The following FAIM2 variants were observed in gnomAD, a reference collection of about 807,000 sequenced individuals.
The protein encoded by FAIM2 is Fas apoptotic inhibitory molecule 2.
FAIM2 carries 27 observed loss-of-function variants against 47.4 expected under a neutral mutation model. The observed-to-expected ratio is 0.57, with a 90% CI of 0.42 to 0.78. The LOEUF (loss-of-function observed/expected upper bound fraction) is 0.78. Ranked by LOEUF, FAIM2 falls within the 30% of genes least tolerant of loss-of-function variation. The probability of loss-of-function intolerance (pLI) is 0.00; values close to 1 mark genes in which losing one functional copy is unlikely to be tolerated. For synonymous variants in FAIM2, 156 were observed against 159.3 expected (o/e 0.98, Z 0.16); for missense variants, 311 against 389.4 (o/e 0.80, Z 1.69).
At chr12:49,878,362 A>T (rs1946758576) in intron 11 of FAIM2, among the ~76,000 whole-genome samples, 1 of 119,848 alleles carries the variant, frequency 8.3e-6, no homozygotes, top group Non-Finnish European at 1.7e-5. Context: ...GCATGTGTGT[A>T]TATGTGGGCA....
rs538251176 is a variant in FAIM2 at position 49,896,739 on chromosome 12, G to A, written c.434+292C>T. On this transcript the variant is annotated intron_variant, in intron 5 of 11. Transcript: ENST00000320634. Reference sequence around the variant, plus strand: ...CAGCCCCACTTCCTCTTAGGACCGAGGTCTGGGTCTCTCCGGCTATAGCCC... The same window carrying A: ...CAGCCCCACTTCCTCTTAGGACCGAAGTCTGGGTCTCTCCGGCTATAGCCC... Among the ~76,000 whole-genome samples the A allele has an allele frequency of 1.1e-4, 16 of 152,330 alleles. No individual in the cohort carries two copies. The South Asian group carries it at 1.2e-3, about 12-fold the overall frequency.
At chr12:49,897,723 G>T in intron 3 of FAIM2, 140 bp from the exon 4 acceptor site, 1 of 680,002 alleles carries the variant, frequency 1.5e-6, no homozygotes, top group Non-Finnish European at 2.5e-6. Flanking sequence ...TGAACCCAGG[G>T]CAAGGCGAAA....
intron 11 of FAIM2, among the ~76,000 whole-genome samples, chr12:49,880,094 G>A (rs1017299227): frequency 6.6e-6 from 1 of 151,984 alleles, no homozygotes; most frequent in Admixed American, 6.6e-5. Context: ...GTGTGCCTGT[G>A]TGTATATGTG....
chr12:49,887,581 GC>G (rs2137096664), intron 10 of FAIM2, 142 bp from the exon 11 acceptor site: 1 of 719,406 alleles, frequency 1.4e-6, no homozygotes, highest in Non-Finnish European at 2.4e-6. Flanking sequence ...ACTGACAGTG[GC>G]CCCTGATTCT....
chr12:49,894,531 C>CAG (rs142956246), intron 5 of FAIM2, among the ~76,000 whole-genome samples: 1,628 of 151,966 alleles, frequency 0.011, 28 homozygotes, highest in African/African-American at 0.038. Context: ...CTTAAGAAGT[C>CAG]AGAGAGAGAG....
rs1459831676 is a variant in FAIM2, at chr12:49,892,702, C to T, written c.435-1588G>A. Among the ~76,000 whole-genome samples, 4 of 152,290 alleles carry T rather than the reference C, an allele frequency of 2.6e-5. No individual in the cohort carries two copies. The East Asian group carries it at 5.8e-4, about 22-fold the overall frequency. ...ATGTGGGGTCCTCTCCAGCTCTTCC[C>T]CCACGTTCTCCCTAGGTGGGCTCAC... On this transcript the variant is annotated intron_variant, in intron 5 of 11. Transcript: ENST00000320634.
Position 49,870,427 on chromosome 12 carries a change from C to T in FAIM2, c.*77G>A. On this transcript the variant is annotated 3_prime_UTR_variant, in exon 12 of 12. Coordinates refer to ENST00000320634, the MANE Select transcript of FAIM2 (RefSeq NM_012306.4). Reference sequence around the variant, plus strand: ...GTTGGCAGCTAGTTTTATATCTGGTCTCGCAGGAGCGCAGGGGAGGGACAG... The same window carrying T: ...GTTGGCAGCTAGTTTTATATCTGGTTTCGCAGGAGCGCAGGGGAGGGACAG... 7.3e-7 allele frequency: 1 copy of T among 1,370,952 alleles called. No individual in the cohort carries two copies. Among genetic ancestry groups the T allele is most frequent in the South Asian group, 1.3e-5 (1 of 78,602 alleles). 84.9% of individuals were successfully genotyped at this position (1,370,952 alleles called of 1,614,324 possible).
In FAIM2 at chr12:49,889,209, G is replaced by C; in HGVS notation, c.652-7C>G. 6.2e-7 allele frequency: 1 copy of C among 1,605,086 alleles called. No homozygotes were observed. The highest frequency in any genetic ancestry group is 8.5e-7 in the Non-Finnish European group (1 of 1,175,120). On this transcript the variant is annotated splice_polypyrimidine_tract_variant and splice_region_variant and intron_variant, in intron 9 of 11. Transcript: ENST00000320634. Reference sequence around the variant, plus strand: ...GGCAGGAGGTGAAGTCGAACTGTGGGGACAGGATGGGGTTAGCTGCAGGAG... The same window carrying C: ...GGCAGGAGGTGAAGTCGAACTGTGGCGACAGGATGGGGTTAGCTGCAGGAG...
chr12:49,881,816 A>C (rs746698502), intron 11 of FAIM2, among the ~76,000 whole-genome samples: 2 of 152,198 alleles, frequency 1.3e-5, no homozygotes, highest in Non-Finnish European at 2.9e-5. Flanking sequence ...GAATGTACTA[A>C]GGCTGACATG....
chr12:49,894,768 T>C (rs1946924074), intron 5 of FAIM2, among the ~76,000 whole-genome samples: 1 of 152,222 alleles, frequency 6.6e-6, no homozygotes, highest in South Asian at 2.1e-4. Flanking sequence ...ACCCTGGTTA[T>C]GCTGCTCTGA....
intron 5 of FAIM2, among the ~76,000 whole-genome samples, chr12:49,896,219 C>T (rs964989121): frequency 2.0e-5 from 3 of 152,232 alleles, no homozygotes; most frequent in South Asian, 2.1e-4. Context: ...ACAGTGAGCG[C>T]GAGAGCAGTT....
chr12:49,879,268 ATGTGTATATG>A (rs1946779144), intron 11 of FAIM2, among the ~76,000 whole-genome samples: 1 of 64,332 alleles, frequency 1.6e-5, no homozygotes, highest in Non-Finnish European at 2.8e-5. Context: ...GTATGTGTGC[ATGTGTATATG>A]TGTGTATGTG....
chr12:49,874,845 A>G lies in FAIM2; in HGVS notation c.802-4192T>C, dbSNP rs1052731655. Among the ~76,000 whole-genome samples the G allele has an allele frequency of 6.6e-6, 1 of 152,114 alleles. No individual in the cohort carries two copies. The highest frequency in any genetic ancestry group is 1.5e-5 in the Non-Finnish European group (1 of 68,006). Reference sequence around the variant, plus strand: ...GAGATGCTGAAACAACCCAAACTCTACCAACACGGGGGTGGTTAAATAAAC... The same window carrying G: ...GAGATGCTGAAACAACCCAAACTCTGCCAACACGGGGGTGGTTAAATAAAC... On this transcript the variant is annotated intron_variant, in intron 11 of 11. Transcript: ENST00000320634. This position sits in a 1 kb window ranked among gnomAD's most constrained non-coding sequence, Gnocchi z 4.2.
chr12:49,902,915 G>A (rs1475763938), intron 1 of FAIM2: 2 of 152,254 alleles, frequency 1.3e-5, no homozygotes, highest in Non-Finnish European at 2.9e-5. Flanking sequence ...TACAGGGAGA[G>A]GAGGGTCTGA....
At chr12:49,896,935 C>A (rs532399586) in intron 5 of FAIM2, 96 bp downstream of exon 5, 8 of 994,382 alleles carry the variant, frequency 8.0e-6, no homozygotes, top group African/African-American at 7.9e-5. Flanking sequence ...CTGGGGGAAG[C>A]TACGGGCTCA....
In FAIM2 at chr12:49,889,409, G is replaced by A. The variant is rs1375011188; in HGVS notation, c.651+72C>T. The A allele has an allele frequency of 2.8e-6, 4 of 1,413,056 alleles. No homozygotes were observed. The Admixed American group carries it at 5.1e-5, about 18-fold the overall frequency. The allele number at this position is 1,413,056 out of a possible 1,614,324, so 87.5% of individuals were successfully genotyped here. A position where few individuals can be genotyped will look rare whatever the true frequency, so the allele number is the denominator to read the frequency against. ...CCCAGCCCCAGGTCCGAGCTCTGAG[G>A]CCCCCACCCCATCTGCCTTCCCCTG... On this transcript the variant is annotated intron_variant, in intron 9 of 11. Transcript: ENST00000320634.
At chr12:49,895,987 C>T (rs1054012899) in intron 5 of FAIM2, among the ~76,000 whole-genome samples, 3 of 152,378 alleles carry the variant, frequency 2.0e-5, no homozygotes, top group South Asian at 2.1e-4. Context: ...CGTGCATTCT[C>T]GCCCCACGCT....
intron 11 of FAIM2, among the ~76,000 whole-genome samples, chr12:49,880,198 ATGTGTG>A (rs147028479): frequency 1.5e-4 from 19 of 128,598 alleles, no homozygotes; most frequent in African/African-American, 5.8e-4. Context: ...GTATATGTGC[ATGTGTG>A]TGTGCATGTG....
chr12:49,900,592 G>A (rs1045359462), intron 2 of FAIM2, among the ~76,000 whole-genome samples: 7 of 152,076 alleles, frequency 4.6e-5, no homozygotes, highest in South Asian at 2.1e-4. Flanking sequence ...GCACGGGCTC[G>A]GGGAAGGGAA....
Sources: allele counts gnomAD v4.1 joint callset (sites outside exome capture counted in the v4.1 genomes callset), GRCh38; gene constraint gnomAD v4.1.1; non-coding constraint Gnocchi (gnomAD v3.1); transcripts MANE v1.5; gene names NCBI Gene and HGNC (gene_info 2026-07-23, HGNC 2026-07-21).